Variants in MAML2 observed in about 807,000 individuals in gnomAD.
MAML2 encodes the protein mastermind-like protein 2.
A neutral mutation model predicts 96.1 loss-of-function variants in MAML2; 22 were observed. The observed-to-expected ratio is 0.23, with a 90% CI of 0.16 to 0.33. The LOEUF is 0.33. Ranked by LOEUF, MAML2 falls within the 10% of genes least tolerant of loss-of-function variation. The pLI is 1.00. For synonymous variants in MAML2, 561 were observed against 521.3 expected (o/e 1.08, Z -1.04); for missense variants, 1,367 against 1,392.4 (o/e 0.98, Z 0.29).
intron 2 of MAML2, among the ~76,000 whole-genome samples, chr11:96,009,221 CCTT>C (rs1467785133): frequency 1.3e-5 from 2 of 152,184 alleles, no homozygotes; most frequent in African/African-American, 4.8e-5. Context: ...GTATAGCAGT[CCTT>C]CTGCACCTCA....
At chr11:96,185,899 T>C (rs1861568380) in intron 1 of MAML2, among the ~76,000 whole-genome samples, 1 of 152,208 alleles carries the variant, frequency 6.6e-6, no homozygotes, top group Non-Finnish European at 1.5e-5. Flanking sequence ...ATGTAATATG[T>C]ATAGCATCAA....
intron 1 of MAML2, among the ~76,000 whole-genome samples, chr11:96,337,978 T>A (rs890800110): frequency 3.3e-5 from 5 of 152,232 alleles, no homozygotes; most frequent in Non-Finnish European, 7.3e-5. Context: ...CCAAGGGATG[T>A]AGGCTCCTTG....
At chr11:96,308,005 A>C (rs1863488497) in intron 1 of MAML2, among the ~76,000 whole-genome samples, 1 of 151,898 alleles carries the variant, frequency 6.6e-6, no homozygotes, top group Admixed American at 6.6e-5. Context: ...TGATTGTTCT[A>C]CTCTGGAATT....
At position 95,991,532 on chromosome 11, in the gene MAML2, C is replaced by G; in HGVS notation, c.2331G>C (p.Met777Ile). 1 of 1,613,706 alleles carries G rather than the reference C, an allele frequency of 6.2e-7. No homozygotes were observed. Among genetic ancestry groups the G allele is most frequent in the Non-Finnish European group, 8.5e-7 (1 of 1,179,668 alleles). ...GAGAAAGTTTTACCGCGTCAGCCAG[C>G]ATCTGCTGCTGGAGAAGAAGTTGCT... Reference protein sequence around the residue: ...QKQQLLLQQQMLADAEKIAPQ... With the variant: ...QKQQLLLQQQILADAEKIAPQ... Residue 777 changes from methionine to isoleucine, a missense_variant, in exon 3 of 5, where the codon ATG becomes ATC. Transcript: ENST00000524717.
At chr11:96,146,964 C>T (rs1860831770) in intron 1 of MAML2, among the ~76,000 whole-genome samples, 1 of 152,186 alleles carries the variant, frequency 6.6e-6, no homozygotes, top group Admixed American at 6.5e-5. Flanking sequence ...ATGTGATCTC[C>T]TGGGGATCAT....
At chr11:96,212,714 A>G (rs991463509) in intron 1 of MAML2, among the ~76,000 whole-genome samples, 2 of 152,208 alleles carry the variant, frequency 1.3e-5, no homozygotes, top group Non-Finnish European at 2.9e-5. Context: ...AGAAGGAACA[A>G]GACGTTTAGA....
chr11:96,263,674 G>A (rs1862781425), intron 1 of MAML2, among the ~76,000 whole-genome samples: 1 of 152,198 alleles, frequency 6.6e-6, no homozygotes, highest in African/African-American at 2.4e-5. Context: ...CTTTTATACA[G>A]TACATCCTCT....
chr11:96,233,497 T>G (rs960371511), intron 1 of MAML2, among the ~76,000 whole-genome samples: 21 of 151,976 alleles, frequency 1.4e-4, no homozygotes, highest in African/African-American at 4.8e-4. Context: ...AGGCTTAACC[T>G]CCTAGGCTCA....
chr11:96,073,740 T>C (rs1859387597), intron 2 of MAML2, among the ~76,000 whole-genome samples: 1 of 152,216 alleles, frequency 6.6e-6, no homozygotes, highest in Non-Finnish European at 1.5e-5. Context: ...CTGTAAAATA[T>C]TAACACCAAC....
intron 1 of MAML2, among the ~76,000 whole-genome samples, chr11:96,245,391 A>G (rs146993272): frequency 1.3e-5 from 2 of 152,178 alleles, no homozygotes; most frequent in Non-Finnish European, 2.9e-5. Context: ...TTGTTTCCCA[A>G]GTAAGAGCTC....
intron 1 of MAML2, among the ~76,000 whole-genome samples, chr11:96,199,702 T>C (rs1861788230): frequency 1.3e-5 from 2 of 152,154 alleles, no homozygotes; most frequent in Admixed American, 1.3e-4. Flanking sequence ...CCACATCCAA[T>C]AAATACCGTG....
chr11:96,010,205 G>A (rs1858245548), intron 2 of MAML2, among the ~76,000 whole-genome samples: 1 of 152,052 alleles, frequency 6.6e-6, no homozygotes, highest in Non-Finnish European at 1.5e-5. Context: ...AATTATATAT[G>A]GATACATATT....
intron 1 of MAML2, among the ~76,000 whole-genome samples, chr11:96,333,277 T>A (rs2136018843): frequency 6.6e-6 from 1 of 152,248 alleles, no homozygotes; most frequent in Middle Eastern, 3.4e-3. Flanking sequence ...CCCAACTATG[T>A]TTGACACTAC....
intron 1 of MAML2, among the ~76,000 whole-genome samples, chr11:96,231,324 T>C (rs1299649922): frequency 6.6e-6 from 1 of 152,238 alleles, no homozygotes; most frequent in Non-Finnish European, 1.5e-5. Flanking sequence ...TTGATTTCTG[T>C]ATTCCTATTA....
chr11:96,238,022 A>G (rs1219646079), intron 1 of MAML2, among the ~76,000 whole-genome samples: 3 of 152,202 alleles, frequency 2.0e-5, no homozygotes, highest in Non-Finnish European at 4.4e-5. Context: ...CGTGCCACCA[A>G]ATTAGTACTT....
intron 1 of MAML2, among the ~76,000 whole-genome samples, chr11:96,262,495 T>G (rs1201821712): frequency 1.3e-5 from 2 of 151,702 alleles, no homozygotes; most frequent in Admixed American, 6.6e-5. Flanking sequence ...TGAGATGGAG[T>G]CTCGCTCTGT....
In MAML2 at chr11:96,004,909, G is replaced by A. The variant is rs185432837; in HGVS notation, c.2140-13186C>T. ...TCCTCAGGGTAGTGGCACAAGAGGTGAGCCCTTATGGGAGGTGATCAAGTC... is the reference window on the plus strand; with the variant it reads ...TCCTCAGGGTAGTGGCACAAGAGGTAAGCCCTTATGGGAGGTGATCAAGTC... On this transcript the variant is annotated intron_variant, in intron 2 of 4. Coordinates refer to ENST00000524717, the MANE Select transcript of MAML2 (RefSeq NM_032427.4). 6.6e-5 allele frequency among the ~76,000 whole-genome samples: 10 copies of A among 152,286 alleles called. 1 individual carries two copies. The highest frequency in any genetic ancestry group is 5.2e-4 in the Admixed American group (8 of 15,308).
At chr11:96,008,029 A>T (rs930966380) in intron 2 of MAML2, among the ~76,000 whole-genome samples, 6 of 105,354 alleles carry the variant, frequency 5.7e-5, no homozygotes, top group Admixed American at 9.0e-5. Flanking sequence ...AGTATAAAAA[A>T]AAAAAAAAAA....
At chr11:96,250,748 T>C (rs1319773747) in intron 1 of MAML2, among the ~76,000 whole-genome samples, 1 of 152,198 alleles carries the variant, frequency 6.6e-6, no homozygotes, top group African/African-American at 2.4e-5. Flanking sequence ...AGGCTGTCCT[T>C]GCATACAGAC....
Sources: allele counts gnomAD v4.1 joint callset (sites outside exome capture counted in the v4.1 genomes callset), GRCh38; gene constraint gnomAD v4.1.1; transcripts MANE v1.5; gene names NCBI Gene and HGNC (gene_info 2026-07-23, HGNC 2026-07-21).